NBAS: variants seen among roughly 807,000 people sequenced by gnomAD.
The protein encoded by NBAS is NBAS subunit of NRZ tethering complex.
Under a neutral mutation model 302.5 loss-of-function variants are expected in NBAS, and 219 were observed. The observed-to-expected ratio is 0.72, with a 90% CI of 0.65 to 0.81. The LOEUF is 0.81. NBAS is among the 30% of genes least tolerant of loss of function. NBAS has a pLI of 0.00. For missense variants in NBAS, 2,932 were observed against 2,841.6 expected (o/e 1.03, Z -0.72); for synonymous variants, 1,118 against 1,021.6 (o/e 1.09, Z -1.80).
At chr2:14,887,622 G>A in the NBAS span, among the ~76,000 whole-genome samples, 1 of 151,930 alleles carries the variant, frequency 6.6e-6, no homozygotes, top group Admixed American at 6.6e-5. Context: ...TGATCACTAA[G>A]TCTCATCTGT....
chr2:15,050,939 T>C, the NBAS span, among the ~76,000 whole-genome samples: 1 of 152,052 alleles, frequency 6.6e-6, no homozygotes, highest in African/African-American at 2.4e-5. Flanking sequence ...GGGGGGTGAC[T>C]GCCCAGCCCT....
chr2:15,015,603 A>C, the NBAS span, among the ~76,000 whole-genome samples: 36 of 152,160 alleles, frequency 2.4e-4, no homozygotes, highest in African/African-American at 8.2e-4. Context: ...CATGATAAAA[A>C]TCTCTCAATA....
intron 47 of NBAS, among the ~76,000 whole-genome samples, chr2:15,223,942 G>T (rs991217673): frequency 6.6e-6 from 1 of 152,120 alleles, no homozygotes; most frequent in African/African-American, 2.4e-5. Context: ...GATTGGGGAG[G>T]GGATATTACA....
chr2:15,002,088 C>G, the NBAS span, among the ~76,000 whole-genome samples: 1 of 152,064 alleles, frequency 6.6e-6, no homozygotes. Context: ...CACGTCCCCA[C>G]TAGATTAGCT....
intron 38 of NBAS, among the ~76,000 whole-genome samples, chr2:15,313,907 A>C (rs1471175160): frequency 6.6e-6 from 1 of 152,236 alleles, no homozygotes; most frequent in African/African-American, 2.4e-5. Context: ...CTTTCTAGGA[A>C]ACTATGACTC....
chr2:14,972,730 T>C, the NBAS span, among the ~76,000 whole-genome samples: 2 of 152,184 alleles, frequency 1.3e-5, no homozygotes, highest in African/African-American at 4.8e-5. Flanking sequence ...CGTCTGAAAG[T>C]AGCCTTCAAA....
intron 30 of NBAS, among the ~76,000 whole-genome samples, chr2:15,376,618 T>C (rs9287658): frequency 0.97 from 147,110 of 152,230 alleles, 71,105 homozygotes; most frequent in East Asian, 1. Context: ...TGGGGGGACT[T>C]GGTGCAGGAG....
intron 44 of NBAS, among the ~76,000 whole-genome samples, chr2:15,254,134 G>C (rs552391170): frequency 5.3e-5 from 8 of 152,130 alleles, no homozygotes; most frequent in African/African-American, 1.9e-4. Flanking sequence ...GGCCTTCTGA[G>C]ATATCTATTC....
intron 11 of NBAS, among the ~76,000 whole-genome samples, chr2:15,498,594 T>G (rs1681159089): frequency 6.6e-6 from 1 of 152,180 alleles, no homozygotes. Flanking sequence ...TGATATGGTT[T>G]GGATCTGCGT....
chr2:15,280,060 G>T (rs758839053), intron 42 of NBAS, among the ~76,000 whole-genome samples: 2 of 152,234 alleles, frequency 1.3e-5, no homozygotes, highest in South Asian at 4.2e-4. Context: ...TATACATAGT[G>T]CATATTTAAC....
At chr2:15,180,847 T>C (rs1664785852) in intron 50 of NBAS, among the ~76,000 whole-genome samples, 1 of 152,240 alleles carries the variant, frequency 6.6e-6, no homozygotes. Flanking sequence ...CCTCCAGGTG[T>C]TTGCACATAG....
the NBAS span, among the ~76,000 whole-genome samples, chr2:14,978,789 T>A: frequency 6.6e-6 from 1 of 152,290 alleles, no homozygotes; most frequent in South Asian, 2.1e-4. Context: ...AAACCCAGCC[T>A]TTGCAACATT....
In NBAS at chr2:15,534,000, T is replaced by C. The variant is rs546902922; in HGVS notation, c.746+543A>G. Among the ~76,000 whole-genome samples, 3 of 152,192 alleles carry C rather than the reference T, an allele frequency of 2.0e-5. 1 individual carries two copies. In the South Asian group the frequency reaches 6.2e-4, roughly 32 times the overall value. ...AACGTATATGGCTTCTGTTCTCAAA[T>C]AACAAAATTAAAGGGGAGAAATCAC... On this transcript the variant is annotated intron_variant, in intron 9 of 51. Coordinates refer to ENST00000281513, the MANE Select transcript of NBAS (RefSeq NM_015909.4).
chr2:15,018,194 C>T, the NBAS span, among the ~76,000 whole-genome samples: 1 of 151,742 alleles, frequency 6.6e-6, no homozygotes, highest in East Asian at 1.9e-4. Context: ...AAAATTACAG[C>T]TAGGAAGGAG....
At chr2:15,110,555 G>A in the NBAS span, among the ~76,000 whole-genome samples, 4,630 of 152,206 alleles carry the variant, frequency 0.03, 162 homozygotes, top group Admixed American at 0.094. Flanking sequence ...GAGTGATGGA[G>A]AGAGGCTGAA....
intron 31 of NBAS, among the ~76,000 whole-genome samples, chr2:15,369,777 TC>T (rs1485153909): frequency 2.0e-5 from 3 of 152,210 alleles, no homozygotes; most frequent in Admixed American, 6.5e-5. Flanking sequence ...TGAATATATC[TC>T]AAATGATTTT....
intron 12 of NBAS, among the ~76,000 whole-genome samples, chr2:15,486,944 T>G (rs1161620483): frequency 1.3e-5 from 2 of 152,166 alleles, no homozygotes; most frequent in African/African-American, 4.8e-5. Flanking sequence ...TCTCTGGATT[T>G]TCAGTAAACA....
chr2:14,947,822 T>G, the NBAS span, among the ~76,000 whole-genome samples: 1 of 152,054 alleles, frequency 6.6e-6, no homozygotes, highest in Non-Finnish European at 1.5e-5. Context: ...TTTTTTTTAA[T>G]CATAAAGGGA....
At chr2:15,415,442 A>T in intron 25 of NBAS, 104 bp downstream of exon 25, 1 of 1,057,582 alleles carries the variant, frequency 9.5e-7, no homozygotes, top group Non-Finnish European at 1.4e-6. Context: ...TTTTCTGTTT[A>T]AAGGGAAATT....
Sources: gnomAD v4.1 joint callset for allele counts (sites outside exome capture counted in the v4.1 genomes callset) on GRCh38, gnomAD v4.1.1 for gene constraint, MANE v1.5 for transcripts, NCBI Gene and HGNC (gene_info 2026-07-23, HGNC 2026-07-21) for gene names.